TUBB8B: variants seen among roughly 807,000 people sequenced by gnomAD.
The protein encoded by TUBB8B is HSA18p11 beta-tubulin 4Q pseudogene.
In TUBB8B, 26 loss-of-function variants were observed where a neutral mutation model predicts 31.9. The ratio of observed to expected loss-of-function variants is 0.81; its 90% CI spans 0.60 to 1.13. The LOEUF (loss-of-function observed/expected upper bound fraction) is 1.13, where lower values mean the gene tolerates loss of function less well. Among genes scored for constraint, TUBB8B ranks in the 50% most tolerant of loss-of-function variants. The pLI, the probability that TUBB8B is intolerant of heterozygous loss-of-function variation, is 0.00. For synonymous variants in TUBB8B, 173 were observed against 231.0 expected, an observed-to-expected ratio of 0.75 and a Z score of 2.28; for missense variants, 467 against 586.7, an observed-to-expected ratio of 0.80 and a Z score of 2.11.
chr18:48,912 C>T (rs776269563), intron 3 of TUBB8B, 28 bp downstream of exon 3: 7 of 1,457,438 alleles, frequency 4.8e-6, no homozygotes, highest in African/African-American at 4.1e-5. Context: ...GCTAAGGAGC[C>T]GCACCCCAGT....
At chr18:56,230 C>T in the TUBB8B span, among the ~76,000 whole-genome samples, 2 of 151,674 alleles carry the variant, frequency 1.3e-5, no homozygotes, top group Non-Finnish European at 2.9e-5. Flanking sequence ...ATTACTATAG[C>T]TTGATAGTAC....
chr18:54,133 G>T (rs187567305), upstream of TUBB8B, among the ~76,000 whole-genome samples: 1 of 151,640 alleles, frequency 6.6e-6, no homozygotes. Flanking sequence ...TGACTAAATG[G>T]ACCCCTCTTC....
chr18:68,366 C>G, the TUBB8B span, among the ~76,000 whole-genome samples: 2 of 152,208 alleles, frequency 1.3e-5, no homozygotes, highest in Non-Finnish European at 2.9e-5. Context: ...AGGTCTCTAC[C>G]TGACAATCCA....
At chr18:72,210 A>AAAC in the TUBB8B span, among the ~76,000 whole-genome samples, 1 of 150,746 alleles carries the variant, frequency 6.6e-6, no homozygotes, top group Admixed American at 6.6e-5. Flanking sequence ...GGAAAAAAAG[A>AAAC]TAAGAAAAGA....
At chr18:49,924 C>A, upstream of TUBB8B, 1 of 482,620 alleles carries the variant, frequency 2.1e-6, no homozygotes, top group Non-Finnish European at 4.0e-6. Context: ...CACGGAGTGC[C>A]TTTGCACCTG....
upstream of TUBB8B, among the ~76,000 whole-genome samples, chr18:52,878 TAAAGAG>T (rs1051196432): frequency 5.3e-5 from 8 of 151,560 alleles, no homozygotes; most frequent in East Asian, 1.5e-3. Flanking sequence ...ACTCTAACTA[TAAAGAG>T]AAAGAGTTAT....
chr18:70,543 G>A, the TUBB8B span, among the ~76,000 whole-genome samples: 2 of 152,244 alleles, frequency 1.3e-5, no homozygotes, highest in African/African-American at 4.8e-5. Context: ...GCTGAGGAAG[G>A]AGAATCGCTT....
At chr18:63,596 C>G in the TUBB8B span, among the ~76,000 whole-genome samples, 1 of 151,496 alleles carries the variant, frequency 6.6e-6, no homozygotes, top group South Asian at 2.1e-4. Context: ...ACTTGGCTAC[C>G]ATATAACTTT....
chr18:53,228 G>A (rs1013150297), upstream of TUBB8B, among the ~76,000 whole-genome samples: 2 of 151,816 alleles, frequency 1.3e-5, no homozygotes, highest in African/African-American at 4.8e-5. Flanking sequence ...ATAACCATGA[G>A]TTCCTCTAAC....
the TUBB8B span, among the ~76,000 whole-genome samples, chr18:67,152 T>C: frequency 2.0e-5 from 3 of 152,150 alleles, no homozygotes; most frequent in Non-Finnish European, 2.9e-5. Context: ...CATGCCACCA[T>C]GCCCAGCTAA....
At chr18:65,036 C>G in the TUBB8B span, among the ~76,000 whole-genome samples, 18 of 152,076 alleles carry the variant, frequency 1.2e-4, no homozygotes, top group Admixed American at 1.2e-3. Flanking sequence ...TGCGGTGGCT[C>G]ACACCTGAAA....
chr18:60,211 G>T, the TUBB8B span, among the ~76,000 whole-genome samples: 1 of 151,536 alleles, frequency 6.6e-6, no homozygotes, highest in African/African-American at 2.4e-5. Context: ...GTTCACTCTT[G>T]GTAAGTTGAG....
At chr18:59,881 T>A in the TUBB8B span, among the ~76,000 whole-genome samples, 2 of 151,814 alleles carry the variant, frequency 1.3e-5, no homozygotes, top group African/African-American at 4.8e-5. Flanking sequence ...CATTGACTGA[T>A]TTGCGTGTTG....
chr18:52,714 C>T (rs1906159439), upstream of TUBB8B, among the ~76,000 whole-genome samples: 1 of 151,780 alleles, frequency 6.6e-6, no homozygotes, highest in East Asian at 1.9e-4. Context: ...ATACAGACCA[C>T]AAAGTAGGAT....
At chr18:72,196 A>AAAAAAAAAAAAAAAAAAAACAAAAAAAAC in the TUBB8B span, among the ~76,000 whole-genome samples, 1 of 84,536 alleles carries the variant, frequency 1.2e-5, no homozygotes, top group East Asian at 1.2e-3. Context: ...AAAAAAAAAA[A>AAAAAAAAAAAAAAAAAAAACAAAAAAAAC]AAAGGAAAAA....
At chr18:67,243 G>A in the TUBB8B span, among the ~76,000 whole-genome samples, 19 of 152,272 alleles carry the variant, frequency 1.2e-4, no homozygotes, top group South Asian at 2.9e-3. Context: ...GGATCCACCC[G>A]CCTTGGCCTC....
At position 49,491 on chromosome 18, in the gene TUBB8B, G is replaced by A. The variant is rs1217797808; in HGVS notation, c.57+10C>T. Reference sequence around the variant, plus strand: ...GCCCGGGCTGGGCCCTCAGAGCCCTGGCTGCCAACCTTGGCGCCGATCTGG... The same window carrying A: ...GCCCGGGCTGGGCCCTCAGAGCCCTAGCTGCCAACCTTGGCGCCGATCTGG... On this transcript the variant is annotated intron_variant, in intron 1 of 3. Coordinates refer to ENST00000308911, the MANE Select transcript of TUBB8B (RefSeq NM_001358689.2). 1.7e-5 allele frequency: 16 copies of A among 953,768 alleles called. No individual in the cohort carries two copies. The highest frequency in any genetic ancestry group is 1.3e-4 in the Admixed American group (6 of 46,908). 59.1% of individuals were successfully genotyped at this position (953,768 alleles called of 1,614,324 possible). A position where few individuals can be genotyped will look rare whatever the true frequency, so the allele number is the denominator to read the frequency against.
chr18:55,747 G>T, the TUBB8B span, among the ~76,000 whole-genome samples: 1 of 151,928 alleles, frequency 6.6e-6, no homozygotes, highest in Non-Finnish European at 1.5e-5. Flanking sequence ...TTGCTTTTCA[G>T]ATGGGTAATT....
upstream of TUBB8B, among the ~76,000 whole-genome samples, chr18:52,123 C>G (rs1906133668): frequency 1.3e-5 from 2 of 151,998 alleles, no homozygotes; most frequent in South Asian, 4.2e-4. Flanking sequence ...GGGTCAAAAA[C>G]CTGTAGGTGC....
Sources: gnomAD v4.1 joint callset for allele counts (sites outside exome capture counted in the v4.1 genomes callset) on GRCh38, gnomAD v4.1.1 for gene constraint, MANE v1.5 for transcripts, NCBI Gene and HGNC (gene_info 2026-07-23, HGNC 2026-07-21) for gene names.